The following CCDC141 variants were observed in gnomAD, a reference collection of about 807,000 sequenced individuals.
The protein encoded by CCDC141 is coiled-coil domain containing 141.
In CCDC141, 168 loss-of-function variants were observed where a neutral mutation model predicts 181.0. The ratio of observed to expected loss-of-function variants is 0.93; its 90% CI spans 0.82 to 1.05. CCDC141 has a LOEUF of 1.05. CCDC141 is among the 50% of genes least tolerant of loss of function. The probability of loss-of-function intolerance (pLI) is 0.00; values close to 1 mark genes in which losing one functional copy is unlikely to be tolerated. For synonymous variants in CCDC141, 666 were observed against 642.3 expected (o/e 1.04, Z -0.56); for missense variants, 1,902 against 1,788.5 (o/e 1.06, Z -1.14).
chr2:179,016,838 G>A (rs1462628314), intron 2 of CCDC141, among the ~76,000 whole-genome samples: 1 of 152,032 alleles, frequency 6.6e-6, no homozygotes, highest in Admixed American at 6.6e-5. Flanking sequence ...AGAGTAGGCT[G>A]GGCTTTATGA....
At chr2:178,827,882 T>A (rs1043442064), downstream of CCDC141, among the ~76,000 whole-genome samples, 2 of 152,228 alleles carry the variant, frequency 1.3e-5, no homozygotes, top group African/African-American at 4.8e-5. Flanking sequence ...AAGTCCAAAG[T>A]CTAAGCCAAA....
rs149294487 is a variant in CCDC141, at chr2:178,878,063, C to A, written c.1800G>T (p.Lys600Asn). The change falls in exon 12 of 24, where the codon AAG (lysine) becomes AAT (asparagine). Residue 600 changes from lysine (K) to asparagine (N), a missense_variant. Physicochemically the swap from Lys to Asn is moderately conservative, Grantham distance 94. Coordinates refer to ENST00000443758, the MANE Select transcript of CCDC141 (RefSeq NM_173648.4). ...GCTTCTCAGCCGAGTCAGAACAATG[C>A]TTGGCTTTAGCATCATCCTGCTCCT... The part of the protein sequence containing the change: ...PQKEQDDAKA[K>N]HCSDSAEKQW... 4.5e-5 allele frequency: 73 copies of A among 1,613,858 alleles called. No individual in the cohort carries two copies. In the African/African-American group the frequency reaches 8.4e-4, roughly 19 times the overall value.
At chr2:178,908,804 A>G (rs935598836) in intron 7 of CCDC141, among the ~76,000 whole-genome samples, 6 of 152,238 alleles carry the variant, frequency 3.9e-5, no homozygotes, top group Non-Finnish European at 4.4e-5. Context: ...ATTTTCTAAT[A>G]TAAAGCTACT....
At chr2:178,927,987 G>A (rs1688970987) in intron 6 of CCDC141, among the ~76,000 whole-genome samples, 1 of 152,180 alleles carries the variant, frequency 6.6e-6, no homozygotes, top group East Asian at 1.9e-4. Flanking sequence ...GTTGTTATGG[G>A]GAATGGAGCA....
At chr2:178,890,014 A>G (rs1687072011) in intron 8 of CCDC141, among the ~76,000 whole-genome samples, 2 of 152,176 alleles carry the variant, frequency 1.3e-5, no homozygotes, top group African/African-American at 4.8e-5. Context: ...TATATGCTCA[A>G]AAGGCATTTA....
intron 11 of CCDC141, among the ~76,000 whole-genome samples, chr2:178,879,861 G>A (rs539611666): frequency 3.3e-5 from 5 of 152,320 alleles, no homozygotes; most frequent in East Asian, 3.9e-4. Flanking sequence ...GAAGACACTC[G>A]CTGATTCAGA....
chr2:178,823,575 C>T, the CCDC141 span, among the ~76,000 whole-genome samples: 4 of 152,040 alleles, frequency 2.6e-5, no homozygotes, highest in Admixed American at 6.6e-5. Flanking sequence ...AATACCATAA[C>T]TAATGGATTG....
chr2:178,843,428 C>T (rs1684810393), intron 22 of CCDC141, among the ~76,000 whole-genome samples: 1 of 152,216 alleles, frequency 6.6e-6, no homozygotes, highest in Non-Finnish European at 1.5e-5. Context: ...TCTGTTAATA[C>T]TGTGTGCTTC....
intron 15 of CCDC141, 108 bp downstream of exon 15, chr2:178,869,009 T>C: frequency 2.7e-6 from 2 of 731,134 alleles, no homozygotes; most frequent in Non-Finnish European, 4.1e-6. Context: ...TTGTGTAAAC[T>C]TCTGATACTA....
chr2:178,995,568 A>T (rs1405146128), intron 2 of CCDC141, among the ~76,000 whole-genome samples: 1 of 152,236 alleles, frequency 6.6e-6, no homozygotes, highest in Non-Finnish European at 1.5e-5. Flanking sequence ...AGGTTCTCTT[A>T]TACTTAATAA....
chr2:179,027,485 A>G (rs557876842), intron 2 of CCDC141, among the ~76,000 whole-genome samples: 2 of 151,936 alleles, frequency 1.3e-5, no homozygotes, highest in East Asian at 3.9e-4. Flanking sequence ...TCTACTAAAA[A>G]TACAAAAAAA....
chr2:179,040,784 T>C (rs1439806242), intron 2 of CCDC141, among the ~76,000 whole-genome samples: 1 of 152,240 alleles, frequency 6.6e-6, no homozygotes, highest in Non-Finnish European at 1.5e-5. Context: ...CAGTCTATCA[T>C]TGATGGGGAT....
intron 8 of CCDC141, among the ~76,000 whole-genome samples, chr2:178,901,626 T>G (rs1687696829): frequency 6.6e-6 from 1 of 151,998 alleles, no homozygotes; most frequent in African/African-American, 2.4e-5. Context: ...AAGAGCTATC[T>G]ATGACAAACC....
intron 6 of CCDC141, among the ~76,000 whole-genome samples, chr2:178,939,602 A>G (rs1413791314): frequency 6.6e-6 from 1 of 152,164 alleles, no homozygotes; most frequent in Non-Finnish European, 1.5e-5. Flanking sequence ...TTAGAGAGGT[A>G]GGCAACCTGA....
intron 4 of CCDC141, among the ~76,000 whole-genome samples, chr2:178,968,006 G>T (rs902591729): frequency 1.3e-5 from 2 of 152,118 alleles, no homozygotes; most frequent in Non-Finnish European, 2.9e-5. Context: ...TTACATAATG[G>T]TAAAGGGACC....
chr2:178,989,314 C>T (rs572687422), intron 2 of CCDC141, among the ~76,000 whole-genome samples: 34 of 152,118 alleles, frequency 2.2e-4, no homozygotes, highest in Admixed American at 5.2e-4. Flanking sequence ...TAGAAAGGGG[C>T]TGGGCGCAGT....
intron 7 of CCDC141, among the ~76,000 whole-genome samples, chr2:178,906,371 A>G (rs1479094358): frequency 6.6e-6 from 1 of 152,204 alleles, no homozygotes; most frequent in African/African-American, 2.4e-5. Flanking sequence ...CTGTGGGTAT[A>G]TGAGGAGAAA....
At position 178,872,230 on chromosome 2, in the gene CCDC141, T is replaced by C; in HGVS notation, c.1982A>G (p.Glu661Gly). Residue 661 changes from glutamate (E) to glycine (G), a missense_variant, in exon 13 of 24, where the codon GAA becomes GGA. Coordinates refer to ENST00000443758, the MANE Select transcript of CCDC141 (RefSeq NM_173648.4). ...TGCCAGCCGAAGGAGGCTAAGTTCT[T>C]CCCGTTCTGCTTTCTGGTTTTCCAT... The part of the protein sequence containing the change: ...NTMENQKAER[E>G]ELSLLRLAWQ... 3 of 1,614,122 alleles carry C rather than the reference T, an allele frequency of 1.9e-6. No individual in the cohort carries two copies. Among genetic ancestry groups the C allele is most frequent in the Non-Finnish European group, 2.5e-6 (3 of 1,179,986 alleles).
intron 4 of CCDC141, 39 bp downstream of exon 4, chr2:178,975,018 C>G: frequency 1.9e-6 from 2 of 1,048,334 alleles, no homozygotes; most frequent in Non-Finnish European, 2.8e-6. Flanking sequence ...TCTTTTAAAA[C>G]CTCTAAACAC....
Sources: allele counts gnomAD v4.1 joint callset (sites outside exome capture counted in the v4.1 genomes callset), GRCh38; gene constraint gnomAD v4.1.1; transcripts MANE v1.5; gene names NCBI Gene and HGNC (gene_info 2026-07-23, HGNC 2026-07-21).